The following SHISA9 variants were observed in gnomAD, a reference collection of about 807,000 sequenced individuals.
The protein encoded by SHISA9 is shisa family member 9.
SHISA9 carries 13 observed loss-of-function variants against 38.0 expected under a neutral mutation model. The observed-to-expected ratio is 0.34, with a 90% CI of 0.22 to 0.54. The LOEUF is 0.54. SHISA9 is among the 20% of genes least tolerant of loss of function. SHISA9 has a pLI of 0.91. For synonymous variants in SHISA9, 275 were observed against 242.0 expected (o/e 1.14, Z -1.27); for missense variants, 538 against 575.8 (o/e 0.93, Z 0.67).
At chr16:13,221,943 C>T (rs900398566) in intron 4 of SHISA9, among the ~76,000 whole-genome samples, 18 of 152,228 alleles carry the variant, frequency 1.2e-4, no homozygotes, top group East Asian at 1.9e-4. Context: ...AAGACATACC[C>T]GAGACTGGGT....
intron 2 of SHISA9, among the ~76,000 whole-genome samples, chr16:12,938,649 C>T (rs540915342): frequency 1.2e-3 from 188 of 152,204 alleles, no homozygotes; most frequent in African/African-American, 4.5e-3. Context: ...CGGCACCTGC[C>T]ACCACGCCCA....
At chr16:13,497,729 T>C in the SHISA9 span, among the ~76,000 whole-genome samples, 2 of 149,298 alleles carry the variant, frequency 1.3e-5, no homozygotes, top group Non-Finnish European at 3.0e-5. Context: ...GAGGACAAAT[T>C]AAAATTTTAA....
the SHISA9 span, among the ~76,000 whole-genome samples, chr16:13,263,263 T>A: frequency 6.6e-6 from 1 of 152,166 alleles, no homozygotes; most frequent in Non-Finnish European, 1.5e-5. Context: ...AACTCTATTG[T>A]CAGTGATATG....
the SHISA9 span, among the ~76,000 whole-genome samples, chr16:13,344,848 A>T: frequency 1.3e-5 from 2 of 152,140 alleles, no homozygotes; most frequent in Non-Finnish European, 2.9e-5. Context: ...TGGTCATTAC[A>T]CTATAGTAAG....
At chr16:13,462,122 AT>A in the SHISA9 span, among the ~76,000 whole-genome samples, 1 of 151,838 alleles carries the variant, frequency 6.6e-6, no homozygotes, top group Non-Finnish European at 1.5e-5. Flanking sequence ...AGAAAAAAAA[AT>A]AGCTGGGTAT....
chr16:12,984,879 T>C (rs1407612660), intron 2 of SHISA9, among the ~76,000 whole-genome samples: 2 of 152,280 alleles, frequency 1.3e-5, no homozygotes, highest in African/African-American at 4.8e-5. Context: ...GGTGCAGGCA[T>C]AGAAGAGCCC....
At chr16:12,925,908 T>C (rs958161935) in intron 2 of SHISA9, among the ~76,000 whole-genome samples, 7 of 152,168 alleles carry the variant, frequency 4.6e-5, no homozygotes, top group African/African-American at 1.7e-4. Context: ...TTCTTTTTAG[T>C]AGAGATGGGG....
chr16:13,284,620 C>T, the SHISA9 span, among the ~76,000 whole-genome samples: 5 of 152,078 alleles, frequency 3.3e-5, no homozygotes, highest in Non-Finnish European at 2.9e-5. Context: ...TACTGTAAGA[C>T]AGAGTCTTGC....
At chr16:12,930,192 T>C (rs1052066010) in intron 2 of SHISA9, among the ~76,000 whole-genome samples, 1 of 152,208 alleles carries the variant, frequency 6.6e-6, no homozygotes, top group South Asian at 2.1e-4. Flanking sequence ...ACACAGAAAG[T>C]GCTCTATAAA....
At chr16:13,250,741 G>T in the SHISA9 span, among the ~76,000 whole-genome samples, 7 of 152,020 alleles carry the variant, frequency 4.6e-5, no homozygotes, top group Non-Finnish European at 8.8e-5. Context: ...ATCTATATTT[G>T]GGGCCCTGGA....
the SHISA9 span, among the ~76,000 whole-genome samples, chr16:13,312,945 C>T: frequency 1.2e-4 from 18 of 152,160 alleles, no homozygotes; most frequent in East Asian, 2.7e-3. Context: ...AGATGAGGCC[C>T]TTACAAAATG....
intron 2 of SHISA9, among the ~76,000 whole-genome samples, chr16:13,070,520 C>T (rs1259705875): frequency 1.3e-5 from 2 of 152,206 alleles, no homozygotes; most frequent in Admixed American, 6.5e-5. Context: ...TGTGCCGTGG[C>T]TGCTAGGGCT....
chr16:13,076,268 C>CGTTTGAGGTCT (rs2073581063), intron 2 of SHISA9, among the ~76,000 whole-genome samples: 1 of 152,032 alleles, frequency 6.6e-6, no homozygotes, highest in South Asian at 2.1e-4. Flanking sequence ...TGACCTCAGG[C>CGTTTGAGGTCT]GATCTGCCCA....
chr16:12,970,370 C>CATAT (rs1254256597), intron 2 of SHISA9, among the ~76,000 whole-genome samples: 3 of 55,708 alleles, frequency 5.4e-5, no homozygotes, highest in Admixed American at 5.1e-4. Flanking sequence ...TATATATATA[C>CATAT]ATATATATAT....
chr16:12,988,053 C>G (rs2072336071), intron 2 of SHISA9, among the ~76,000 whole-genome samples: 1 of 152,178 alleles, frequency 6.6e-6, no homozygotes, highest in African/African-American at 2.4e-5. Context: ...ATATGCAGGA[C>G]AAGACAGCAA....
the SHISA9 span, among the ~76,000 whole-genome samples, chr16:13,469,365 A>AAGAAAAGAAAAAGAAAGAAAG: frequency 2.8e-4 from 18 of 64,526 alleles, no homozygotes; most frequent in Admixed American, 8.6e-4. Context: ...AAAGAAAAGA[A>AAGAAAAGAAAAAGAAAGAAAG]AAAGAAAGAA....
chr16:13,542,576 C>A, the SHISA9 span, among the ~76,000 whole-genome samples: 1 of 98,474 alleles, frequency 1.0e-5, no homozygotes, highest in African/African-American at 4.0e-5. Flanking sequence ...TTGTGGGACT[C>A]ACAAAGAATA....
chr16:13,360,477 G>C, the SHISA9 span, among the ~76,000 whole-genome samples: 6 of 152,138 alleles, frequency 3.9e-5, no homozygotes, highest in Non-Finnish European at 5.9e-5. Flanking sequence ...GTTCTCATGA[G>C]ATCTGATGTT....
the SHISA9 span, among the ~76,000 whole-genome samples, chr16:13,561,648 C>A: frequency 2.4e-4 from 37 of 152,170 alleles, no homozygotes; most frequent in Middle Eastern, 0.027. Context: ...GTGGAAGGGC[C>A]CCTGGAGGAA....
Sources: allele counts gnomAD v4.1 joint callset (sites outside exome capture counted in the v4.1 genomes callset), GRCh38; gene constraint gnomAD v4.1.1; transcripts MANE v1.5; gene names NCBI Gene and HGNC (gene_info 2026-07-23, HGNC 2026-07-21).